The following ARB2A variants were observed in gnomAD, a reference collection of about 807,000 sequenced individuals.
The protein encoded by ARB2A is ARB2 cotranscriptional regulator A.
At chr5:93,926,016 A>G in the ARB2A span, among the ~76,000 whole-genome samples, 1 of 152,208 alleles carries the variant, frequency 6.6e-6, no homozygotes, top group Non-Finnish European at 1.5e-5. Flanking sequence ...CACAGTACAA[A>G]AATACCAAAT....
the ARB2A span, among the ~76,000 whole-genome samples, chr5:93,669,586 G>A: frequency 2.0e-5 from 3 of 152,202 alleles, no homozygotes; most frequent in Admixed American, 6.5e-5. Context: ...ATCAAGGGAA[G>A]GAGAACTTGT....
the ARB2A span, among the ~76,000 whole-genome samples, chr5:93,896,403 T>C: frequency 2.0e-5 from 3 of 152,086 alleles, no homozygotes; most frequent in Admixed American, 6.6e-5. Flanking sequence ...ATGTACAAAA[T>C]TACTAAAAAC....
the ARB2A span, among the ~76,000 whole-genome samples, chr5:93,790,451 T>C: frequency 3.0e-4 from 45 of 152,320 alleles, no homozygotes; most frequent in African/African-American, 8.7e-4. Context: ...GGCTGCTTTT[T>C]CCTTTGATTA....
chr5:93,855,232 T>C, the ARB2A span, among the ~76,000 whole-genome samples: 3 of 152,206 alleles, frequency 2.0e-5, no homozygotes, highest in Admixed American at 2.0e-4. Flanking sequence ...CTGGCTCTTT[T>C]GATCTTAGTT....
chr5:93,877,347 C>T, the ARB2A span, among the ~76,000 whole-genome samples: 2 of 152,140 alleles, frequency 1.3e-5, no homozygotes, highest in Non-Finnish European at 1.5e-5. Context: ...TCCTCTTATG[C>T]TCCAGTTTGA....
the ARB2A span, among the ~76,000 whole-genome samples, chr5:93,643,515 T>C: frequency 2.0e-5 from 3 of 152,268 alleles, no homozygotes; most frequent in South Asian, 6.2e-4. Flanking sequence ...ATTTTTGAGA[T>C]GGATTTTTTG....
chr5:93,974,490 A>C, the ARB2A span, among the ~76,000 whole-genome samples: 1 of 152,188 alleles, frequency 6.6e-6, no homozygotes, highest in African/African-American at 2.4e-5. Flanking sequence ...ATAGCCACAC[A>C]ATAATAAGGG....
chr5:93,815,431 G>A, the ARB2A span, among the ~76,000 whole-genome samples: 1 of 152,064 alleles, frequency 6.6e-6, no homozygotes, highest in Non-Finnish European at 1.5e-5. Context: ...TTCCTTTATT[G>A]CCATAGAAAC....
chr5:93,880,952 A>T, the ARB2A span, among the ~76,000 whole-genome samples: 1 of 151,730 alleles, frequency 6.6e-6, no homozygotes, highest in African/African-American at 2.4e-5. Context: ...AGGCTGAGAC[A>T]CTGTAGATAG....
the ARB2A span, among the ~76,000 whole-genome samples, chr5:93,902,420 A>G: frequency 6.6e-6 from 1 of 152,116 alleles, no homozygotes; most frequent in Non-Finnish European, 1.5e-5. Flanking sequence ...TATGTAGATT[A>G]TTTGTTCTAC....
chr5:93,679,428 G>A, the ARB2A span, among the ~76,000 whole-genome samples: 3 of 151,944 alleles, frequency 2.0e-5, no homozygotes, highest in African/African-American at 7.3e-5. Flanking sequence ...ACTTGGCCAT[G>A]GCAATGGAGG....
At chr5:93,816,579 A>G in the ARB2A span, among the ~76,000 whole-genome samples, 1 of 152,192 alleles carries the variant, frequency 6.6e-6, no homozygotes, top group Non-Finnish European at 1.5e-5. Context: ...CAGGGAAGGC[A>G]GTAGGACCTG....
the ARB2A span, chr5:93,804,892 A>C: frequency 1.1e-6 from 1 of 904,088 alleles, no homozygotes; most frequent in Non-Finnish European, 1.3e-6. Flanking sequence ...TCAAAGTTAC[A>C]ATTAAAACTT....
the ARB2A span, among the ~76,000 whole-genome samples, chr5:93,819,351 T>C: frequency 6.6e-6 from 1 of 152,142 alleles, no homozygotes; most frequent in Non-Finnish European, 1.5e-5. Context: ...TTGGGCAAAA[T>C]GAGATTGGAC....
At chr5:93,867,248 GA>G in the ARB2A span, among the ~76,000 whole-genome samples, 4 of 152,044 alleles carry the variant, frequency 2.6e-5, no homozygotes, top group Non-Finnish European at 5.9e-5. Context: ...GATTCTAAAG[GA>G]AAAATAGTGA....
the ARB2A span, among the ~76,000 whole-genome samples, chr5:93,939,854 T>C: frequency 6.6e-6 from 1 of 152,108 alleles, no homozygotes; most frequent in African/African-American, 2.4e-5. Flanking sequence ...AATGTAATAG[T>C]CTGCTATGTT....
chr5:93,956,414 T>C, the ARB2A span, among the ~76,000 whole-genome samples: 1 of 152,140 alleles, frequency 6.6e-6, no homozygotes, highest in African/African-American at 2.4e-5. Flanking sequence ...CATAAAATGA[T>C]AGGAATCCAA....
the ARB2A span, among the ~76,000 whole-genome samples, chr5:93,626,038 A>C: frequency 9.2e-5 from 14 of 152,210 alleles, no homozygotes; most frequent in Non-Finnish European, 2.1e-4. Context: ...GGCAAAAAGT[A>C]ATCAAAGTAT....
At chr5:93,887,342 G>A in the ARB2A span, among the ~76,000 whole-genome samples, 18 of 150,460 alleles carry the variant, frequency 1.2e-4, no homozygotes, top group African/African-American at 4.4e-4. Context: ...GAGAATAGAA[G>A]AGAAAAGAAA....
Sources: gnomAD v4.1 joint callset for allele counts (sites outside exome capture counted in the v4.1 genomes callset) on GRCh38, gnomAD v4.1.1 for gene constraint, MANE v1.5 for transcripts, NCBI Gene and HGNC (gene_info 2026-07-23, HGNC 2026-07-21) for gene names.